The following ACOD1 variants were observed in gnomAD, a reference collection of about 807,000 sequenced individuals.
ACOD1 encodes the protein aconitate decarboxylase 1.
In ACOD1, 14 loss-of-function variants were observed where a neutral mutation model predicts 14.2. That is an observed-to-expected ratio of 0.99 (90% CI 0.65 to 1.54). The LOEUF (loss-of-function observed/expected upper bound fraction) is 1.54. ACOD1 is among the 40% of genes most tolerant of loss of function. The pLI, the probability that ACOD1 is intolerant of heterozygous loss-of-function variation, is 0.00. For missense variants in ACOD1, 530 were observed against 586.3 expected (o/e 0.90, Z 0.99); for synonymous variants, 182 against 221.7 (o/e 0.82, Z 1.59).
In ACOD1 at chr13:76,957,666, A is replaced by T; in HGVS notation, c.1127A>T (p.Asp376Val). The T allele has an allele frequency of 6.4e-7, 1 of 1,550,640 alleles. No individual in the cohort carries two copies. Residue 376 changes from aspartate (D) to valine (V), a missense_variant, in exon 5 of 5, where the codon GAC becomes GTC. Transcript: ENST00000377462. Reference protein sequence around the residue: ...LSKVELEYPPDNLPSFNILYC... With the variant: ...LSKVELEYPPVNLPSFNILYC... ...AAGGTGGAGCTGGAGTACCCTCCGG[A>T]CAACTTGCCAAGCTTCAACATACTG... is the stretch of plus-strand genomic sequence containing the variant.
intron 3 of ACOD1, among the ~76,000 whole-genome samples, chr13:76,954,182 T>A (rs1231454890): frequency 2.6e-5 from 4 of 152,228 alleles, no homozygotes; most frequent in Non-Finnish European, 5.9e-5. Context: ...TTATGCTTTT[T>A]CTGTGTGTCA....
intron 1 of ACOD1, among the ~76,000 whole-genome samples, chr13:76,948,934 G>C (rs978818871): frequency 6.6e-6 from 1 of 152,138 alleles, no homozygotes; most frequent in Non-Finnish European, 1.5e-5. Context: ...GTATTGACTT[G>C]GCAGTCTTGA....
chr13:76,957,756 A>T lies in ACOD1; in HGVS notation c.1217A>T (p.Tyr406Phe). ...TTCACAGATCGCTCTGATACCTTCT[A>T]TGGGCACTGGAGAAAACCACTGAGC... Reference protein sequence around the residue: ...ATFTDRSDTFYGHWRKPLSQE... With the variant: ...ATFTDRSDTFFGHWRKPLSQE... The change falls in exon 5 of 5, where the codon TAT becomes TTT. Residue 406 changes from tyrosine (Y) to phenylalanine (F), a missense_variant. Tyr to Phe is a conservative substitution (Grantham distance 22). Transcript: ENST00000377462. The T allele has an allele frequency of 6.4e-7, 1 of 1,550,714 alleles. No individual in the cohort carries two copies. Among genetic ancestry groups the T allele is most frequent in the Non-Finnish European group, 8.7e-7 (1 of 1,147,014 alleles).
intron 1 of ACOD1, among the ~76,000 whole-genome samples, chr13:76,951,626 T>C (rs1375311586): frequency 2.6e-5 from 4 of 152,228 alleles, no homozygotes; most frequent in Non-Finnish European, 5.9e-5. Flanking sequence ...CTTTCAAAAA[T>C]CAGTCTTTAT....
intron 1 of ACOD1, among the ~76,000 whole-genome samples, chr13:76,952,133 G>A (rs1171704156): frequency 1.3e-5 from 2 of 152,094 alleles, no homozygotes; most frequent in Non-Finnish European, 2.9e-5. Flanking sequence ...CACTGCACCC[G>A]CAGAAATCTC....
Position 76,953,609 on chromosome 13 carries a change from T to G in ACOD1, c.184T>G (p.Ser62Ala). Residue 62 changes from serine to alanine, a missense_variant, in exon 3 of 5, where the codon TCC becomes GCC. Transcript: ENST00000377462. ...TTTGCTTTTGTTCCAGATCTACAGT[T>G]CCAACATATCCAGCACTGTTTGGGG... ...IASQYSKIYS[S>A]NISSTVWGQP... 6.5e-7 allele frequency: 1 copy of G among 1,544,400 alleles called. No homozygotes were observed. Among genetic ancestry groups the G allele is most frequent in the South Asian group, 1.2e-5 (1 of 83,782 alleles).
At position 76,957,789 on chromosome 13, in the gene ACOD1, A is replaced by G; in HGVS notation, c.1250A>G (p.Asp417Gly). The G allele has an allele frequency of 6.4e-7, 1 of 1,550,906 alleles. No homozygotes were observed. Among genetic ancestry groups the G allele is most frequent in the Non-Finnish European group, 8.7e-7 (1 of 1,147,078 alleles). The change falls in exon 5 of 5, where the codon GAC (aspartate) becomes GGC (glycine). Residue 417 changes from aspartate to glycine, a missense_variant. Transcript: ENST00000377462. ...TGGAGAAAACCACTGAGCCAGGAGG[A>G]CCTAGAGGAAAAGTTCAGAGCCAAT... ...GHWRKPLSQE[D>G]LEEKFRANAS...
intron 4 of ACOD1, among the ~76,000 whole-genome samples, 181 bp downstream of exon 4, chr13:76,955,705 T>A (rs1306359338): frequency 6.6e-6 from 1 of 152,216 alleles, no homozygotes; most frequent in African/African-American, 2.4e-5. Flanking sequence ...AAGAAGTGAC[T>A]TCAAGAGTGC....
At chr13:76,955,612 C>A in intron 4 of ACOD1, 88 bp downstream of exon 4, 2 of 1,190,042 alleles carry the variant, frequency 1.7e-6, no homozygotes, top group Non-Finnish European at 2.4e-6. Context: ...GACTTAGAGG[C>A]CGGTTCAGAG....
In ACOD1 at chr13:76,957,623, G is replaced by A. The variant is rs948715496; in HGVS notation, c.1084G>A (p.Val362Met). Residue 362 changes from valine to methionine, a missense_variant, in exon 5 of 5, where the codon GTG becomes ATG. Coordinates refer to ENST00000377462, the MANE Select transcript of ACOD1 (RefSeq NM_001258406.2). ...FHECQINRPQ[V>M]RELLSKVELE... Reference sequence around the variant, plus strand: ...TGAATGCCAGATCAACAGGCCACAGGTGAGAGAGCTGCTCAGTAAGGTGGA... The same window carrying A: ...TGAATGCCAGATCAACAGGCCACAGATGAGAGAGCTGCTCAGTAAGGTGGA... The A allele has an allele frequency of 7.1e-6, 11 of 1,550,646 alleles. No homozygotes were observed. The highest frequency in any genetic ancestry group is 9.6e-6 in the Non-Finnish European group (11 of 1,147,014).
Position 76,957,724 on chromosome 13 carries a change from A to C in ACOD1, c.1185A>C (p.Gly395=), listed in dbSNP as rs1332565244. 1 of 1,550,692 alleles carries C rather than the reference A, an allele frequency of 6.4e-7. No individual in the cohort carries two copies. Among genetic ancestry groups the C allele is most frequent in the Admixed American group, 2.0e-5 (1 of 51,004 alleles). ...AAATAAGTGTCACCCTCAAGGATGG[A>C]GCCACCTTCACAGATCGCTCTGATA... ...YCEISVTLKD[G]ATFTDRSDTF... is the part of the protein sequence containing the mutation. The change falls in exon 5 of 5, where the codon GGA becomes GGC. Residue 395 remains glycine (G), a synonymous_variant. Transcript: ENST00000377462.
At chr13:76,955,126 CAAAAAA>C (rs34230053) in intron 3 of ACOD1, among the ~76,000 whole-genome samples, 187 bp from the exon 4 acceptor site, 3 of 98,874 alleles carry the variant, frequency 3.0e-5, no homozygotes, top group Non-Finnish European at 1.8e-5. Context: ...GACTCTGTCT[CAAAAAA>C]AAAAAAAAAA....
Position 76,957,898 on chromosome 13 carries a change from G to A in ACOD1, c.1359G>A (p.Val453=), listed in dbSNP as rs2033896904. 6.4e-7 allele frequency: 1 copy of A among 1,550,672 alleles called. No homozygotes were observed. Among genetic ancestry groups the A allele is most frequent in the African/African-American group, 1.4e-5 (1 of 73,042 alleles). ...TAGAAGACCTAGAAGACTGTTCTGTGTTAACTACACTTCTCAAAGGACCCT... is the reference window on the plus strand; with the variant it reads ...TAGAAGACCTAGAAGACTGTTCTGTATTAACTACACTTCTCAAAGGACCCT... ...KNLEDLEDCS[V]LTTLLKGPSP... is the part of the protein sequence containing the mutation. Residue 453 remains valine (V), a synonymous_variant, in exon 5 of 5, where the codon GTG becomes GTA. Coordinates refer to ENST00000377462, the MANE Select transcript of ACOD1 (RefSeq NM_001258406.2).
In ACOD1 at chr13:76,957,562, G is replaced by A. The variant is rs1244433909; in HGVS notation, c.1023G>A (p.Met341Ile). 8 of 1,550,508 alleles carry A rather than the reference G, an allele frequency of 5.2e-6. No homozygotes were observed. The highest frequency in any genetic ancestry group is 4.1e-5 in the African/African-American group (3 of 73,044). ...RHSFQYVACA[M>I]LLDGGITVPS... The stretch of plus-strand genomic sequence containing the variant: ...CATTCCAGTATGTGGCCTGTGCCAT[G>A]CTGCTTGATGGTGGCATCACTGTCC... Residue 341 changes from methionine (M) to isoleucine (I), a missense_variant, in exon 5 of 5, where the codon ATG (methionine) becomes ATA (isoleucine). Coordinates refer to ENST00000377462, the MANE Select transcript of ACOD1 (RefSeq NM_001258406.2).
intron 1 of ACOD1, among the ~76,000 whole-genome samples, chr13:76,951,556 A>G (rs1035331361): frequency 1.1e-4 from 16 of 152,330 alleles, no homozygotes; most frequent in African/African-American, 3.8e-4. Context: ...ACATTGATTC[A>G]GCATGCAATC....
rs1472398056 is a variant in ACOD1, at chr13:76,952,621, G to C, written c.145G>C (p.Val49Leu). Residue 49 changes from valine (V) to leucine (L), a missense_variant, in exon 2 of 5, where the codon GTG becomes CTG. Coordinates refer to ENST00000377462, the MANE Select transcript of ACOD1 (RefSeq NM_001258406.2). ...TGGGTTCCTGGGAACCACTACGGAAGTGTTTCACATAGCCAGCCAATATAG... is the reference window on the plus strand; with the variant it reads ...TGGGTTCCTGGGAACCACTACGGAACTGTTTCACATAGCCAGCCAATATAG... ...GAGFLGTTTE[V>L]FHIASQYSKI... 1 of 1,550,342 alleles carries C rather than the reference G, an allele frequency of 6.5e-7. No individual in the cohort carries two copies. Among genetic ancestry groups the C allele is most frequent in the Non-Finnish European group, 8.7e-7 (1 of 1,146,978 alleles).
At chr13:76,955,251 G>A in intron 3 of ACOD1, 68 bp from the exon 4 acceptor site, 1 of 1,163,492 alleles carries the variant, frequency 8.6e-7, no homozygotes, top group Admixed American at 2.1e-5. Flanking sequence ...AGTCCTTAGT[G>A]GTCCAAAAGC....
Position 76,952,499 on chromosome 13 carries a change from A to G in ACOD1, c.23A>G (p.Glu8Gly), listed in dbSNP as rs1175851316. MMLKSIT[E>G]SFATAIHGLK... The stretch of plus-strand genomic sequence containing the variant: ...CTCTTCCCTTTAAAGTCTATCACAG[A>G]AAGCTTTGCCACAGCAATCCATGGC... Residue 8 changes from glutamate to glycine, a missense_variant, in exon 2 of 5, where the codon GAA becomes GGA. By Grantham distance (98) the Glu-to-Gly change is moderately conservative. Transcript: ENST00000377462. 1.9e-6 allele frequency: 3 copies of G among 1,550,454 alleles called. No homozygotes were observed. Among genetic ancestry groups the G allele is most frequent in the Non-Finnish European group, 2.6e-6 (3 of 1,146,912 alleles).
rs1276101170 is a variant in ACOD1 at position 76,958,542 on chromosome 13, C to A, written c.*557C>A. The A allele has an allele frequency of 6.6e-6, 1 of 152,466 alleles. No homozygotes were observed. Among genetic ancestry groups the A allele is most frequent in the Non-Finnish European group, 1.5e-5 (1 of 68,296 alleles). The allele number at this position is 152,466 out of a possible 1,614,324, so 9.4% of individuals were successfully genotyped here. A position where few individuals can be genotyped will look rare whatever the true frequency, so the allele number is the denominator to read the frequency against. ...CTATTTGTCAAGCCGAAGTAAAAAG[C>A]AGTCTGGAAAAATCGCATTTTGGCT... On this transcript the variant is annotated 3_prime_UTR_variant, in exon 5 of 5. Transcript: ENST00000377462.
Sources: gnomAD v4.1 joint callset for allele counts (sites outside exome capture counted in the v4.1 genomes callset) on GRCh38, gnomAD v4.1.1 for gene constraint, MANE v1.5 for transcripts, NCBI Gene and HGNC (gene_info 2026-07-23, HGNC 2026-07-21) for gene names.